Variants in SLC35F3 observed in about 807,000 individuals in gnomAD.
The protein encoded by SLC35F3 is putative thiamine transporter SLC35F3.
Under a neutral mutation model 49.9 loss-of-function variants are expected in SLC35F3, and 25 were observed. That is an observed-to-expected ratio of 0.50 (90% CI 0.37 to 0.70). The LOEUF (loss-of-function observed/expected upper bound fraction) is 0.70. Ranked by LOEUF, SLC35F3 falls within the 30% of genes least tolerant of loss-of-function variation. The probability of loss-of-function intolerance (pLI) is 0.00; values close to 1 mark genes in which losing one functional copy is unlikely to be tolerated. For missense variants in SLC35F3, 525 were observed against 639.8 expected (o/e 0.82, Z 1.94); for synonymous variants, 275 against 265.4 (o/e 1.04, Z -0.35).
chr1:233,939,179 C>T (rs1662382736), intron 2 of SLC35F3, among the ~76,000 whole-genome samples: 1 of 152,198 alleles, frequency 6.6e-6, no homozygotes, highest in Non-Finnish European at 1.5e-5. Context: ...TGGCCAGGTG[C>T]AGTGGCTTAC....
intron 3 of SLC35F3, among the ~76,000 whole-genome samples, chr1:234,290,997 A>T (rs1055779119): frequency 1.3e-5 from 2 of 152,114 alleles, no homozygotes; most frequent in Non-Finnish European, 2.9e-5. Flanking sequence ...TATGACCTTA[A>T]ACTTCAGATT....
intron 2 of SLC35F3, among the ~76,000 whole-genome samples, chr1:233,943,240 CAA>C: frequency 6.6e-6 from 1 of 152,302 alleles, no homozygotes. Context: ...TAAGCTAATT[CAA>C]AGAGTGGTCT....
intron 3 of SLC35F3, among the ~76,000 whole-genome samples, chr1:234,244,965 G>T (rs1212779233): frequency 6.6e-6 from 1 of 152,118 alleles, no homozygotes; most frequent in African/African-American, 2.4e-5. Flanking sequence ...TTTATGCATT[G>T]ATATCATTTC....
chr1:234,263,494 G>T (rs1244142182), intron 3 of SLC35F3, among the ~76,000 whole-genome samples: 1 of 152,094 alleles, frequency 6.6e-6, no homozygotes, highest in Non-Finnish European at 1.5e-5. Context: ...GTATGCAACA[G>T]CATTTTGAGC....
intron 2 of SLC35F3, among the ~76,000 whole-genome samples, chr1:234,192,205 A>G (rs1650800482): frequency 6.6e-6 from 1 of 151,996 alleles, no homozygotes; most frequent in South Asian, 2.1e-4. Context: ...CAAAAATCAT[A>G]AATGCTAGTG....
chr1:234,146,803 C>T (rs1357473886), intron 2 of SLC35F3, among the ~76,000 whole-genome samples: 3 of 152,218 alleles, frequency 2.0e-5, no homozygotes, highest in Non-Finnish European at 4.4e-5. Flanking sequence ...CATGAGCCAC[C>T]GTGCCCGGCC....
At chr1:234,226,196 ATAACTC>A (rs1332413884) in intron 2 of SLC35F3, among the ~76,000 whole-genome samples, 1 of 152,224 alleles carries the variant, frequency 6.6e-6, no homozygotes, top group Non-Finnish European at 1.5e-5. Context: ...AACAAATAAA[ATAACTC>A]TATAGACCTT....
intron 2 of SLC35F3, among the ~76,000 whole-genome samples, chr1:234,206,290 T>C (rs1666968376): frequency 6.6e-6 from 1 of 151,932 alleles, no homozygotes; most frequent in Non-Finnish European, 1.5e-5. Flanking sequence ...CTAGATCCAC[T>C]GGCCTAAGCA....
intron 2 of SLC35F3, among the ~76,000 whole-genome samples, chr1:233,914,955 GA>G (rs1314491592): frequency 1.3e-5 from 2 of 152,176 alleles, no homozygotes; most frequent in Non-Finnish European, 2.9e-5. Context: ...CATGGGCACA[GA>G]TTTTTCTTTC....
intron 2 of SLC35F3, among the ~76,000 whole-genome samples, chr1:234,071,160 T>C (rs1664707902): frequency 6.6e-6 from 1 of 152,224 alleles, no homozygotes; most frequent in South Asian, 2.1e-4. Flanking sequence ...TCTAGGGACC[T>C]GGCAAGTCAA....
intron 2 of SLC35F3, among the ~76,000 whole-genome samples, chr1:234,186,480 C>T (rs1435504612): frequency 4.6e-5 from 7 of 151,980 alleles, no homozygotes; most frequent in African/African-American, 1.7e-4. Context: ...AAGCTGGGTG[C>T]CGTCTCCTAG....
At chr1:234,252,077 A>AC (rs548246576) in intron 3 of SLC35F3, among the ~76,000 whole-genome samples, 126 of 151,710 alleles carry the variant, frequency 8.3e-4, no homozygotes, top group Middle Eastern at 3.4e-3. Context: ...AAATTAAACT[A>AC]CTTTTTTTTT....
chr1:234,163,671 A>G (rs1666265389), intron 2 of SLC35F3, among the ~76,000 whole-genome samples: 1 of 152,230 alleles, frequency 6.6e-6, no homozygotes, highest in African/African-American at 2.4e-5. Context: ...CTTTCTGTAG[A>G]GAAGAACATG....
At chr1:234,128,346 G>A (rs374577785) in intron 2 of SLC35F3, among the ~76,000 whole-genome samples, 4 of 152,160 alleles carry the variant, frequency 2.6e-5, no homozygotes, top group Non-Finnish European at 2.9e-5. Context: ...AGATTCAGGC[G>A]CTGAAAGCCA....
At chr1:233,941,360 A>C (rs889481278) in intron 2 of SLC35F3, among the ~76,000 whole-genome samples, 1 of 152,220 alleles carries the variant, frequency 6.6e-6, no homozygotes, top group Admixed American at 6.5e-5. Context: ...ATTTTCTAGG[A>C]TGCAGTAAGG....
chr1:234,144,958 T>C (rs1032490827), intron 2 of SLC35F3, among the ~76,000 whole-genome samples: 2 of 152,222 alleles, frequency 1.3e-5, no homozygotes, highest in Non-Finnish European at 2.9e-5. Flanking sequence ...TAGTGCTGTG[T>C]CATTCTCTTG....
intron 2 of SLC35F3, among the ~76,000 whole-genome samples, chr1:234,228,589 G>A (rs480166): frequency 0.29 from 43,430 of 152,122 alleles, 10,825 homozygotes; most frequent in African/African-American, 0.68. Flanking sequence ...ATAGCCCTGT[G>A]AGATGTAAAA....
chr1:233,996,719 G>A (rs1663467078), intron 2 of SLC35F3, among the ~76,000 whole-genome samples: 1 of 152,164 alleles, frequency 6.6e-6, no homozygotes, highest in South Asian at 2.1e-4. Flanking sequence ...CCATCATTGG[G>A]GGTTGGGAGG....
chr1:234,283,193 C>T (rs1254999537), intron 3 of SLC35F3, among the ~76,000 whole-genome samples: 1 of 152,214 alleles, frequency 6.6e-6, no homozygotes, highest in Admixed American at 6.5e-5. Context: ...GGCCCCGAAA[C>T]ACACTTCCTG....
Sources: gnomAD v4.1 joint callset for allele counts (sites outside exome capture counted in the v4.1 genomes callset) on GRCh38, gnomAD v4.1.1 for gene constraint, MANE v1.5 for transcripts, NCBI Gene and HGNC (gene_info 2026-07-23, HGNC 2026-07-21) for gene names.